FLRT1: variants seen among roughly 807,000 people sequenced by gnomAD.
FLRT1 encodes the protein fibronectin leucine rich transmembrane protein 1, also known as leucine-rich repeat transmembrane protein FLRT1.
Under a neutral mutation model 30.9 loss-of-function variants are expected in FLRT1, and 14 were observed. The observed-to-expected ratio is 0.45, with a 90% CI of 0.30 to 0.71. FLRT1 has a LOEUF of 0.71. Ranked by LOEUF, FLRT1 falls within the 30% of genes least tolerant of loss-of-function variation. The probability of loss-of-function intolerance (pLI) is 0.08; values close to 1 mark genes in which losing one functional copy is unlikely to be tolerated. For missense variants in FLRT1, 737 were observed against 949.2 expected (o/e 0.78, Z 2.94); for synonymous variants, 368 against 430.4 (o/e 0.85, Z 1.80).
chr11:64,041,199 TAAAAAAAAAAAAAAAA>T (rs71045724), intron 1 of FLRT1, among the ~76,000 whole-genome samples: 4 of 21,600 alleles, frequency 1.9e-4, no homozygotes, highest in Non-Finnish European at 1.7e-4. Flanking sequence ...TAGCAAACTG[TAAAAAAAAAAAAAAAA>T]AAAAAAAAAA....
chr11:64,104,749 G>A (rs1014733288), intron 2 of FLRT1, among the ~76,000 whole-genome samples: 3 of 152,176 alleles, frequency 2.0e-5, no homozygotes, highest in Admixed American at 2.0e-4. Flanking sequence ...CTGGCTTCCA[G>A]TTCAGCCTCT....
At chr11:64,094,887 A>C (rs1326188284) in intron 1 of FLRT1, among the ~76,000 whole-genome samples, 1 of 152,164 alleles carries the variant, frequency 6.6e-6, no homozygotes, top group Non-Finnish European at 1.5e-5. Context: ...GATTTCGCCG[A>C]ATGTCCCATC....
At chr11:64,042,210 C>T (rs369091536) in intron 1 of FLRT1, among the ~76,000 whole-genome samples, 37 of 152,184 alleles carry the variant, frequency 2.4e-4, no homozygotes, top group African/African-American at 7.7e-4. Flanking sequence ...TCACACCTAA[C>T]CCACCTTCCT....
At position 64,067,902 on chromosome 11, in the gene FLRT1, G is replaced by T. The variant is rs866835832; in HGVS notation, c.-1038+31743G>T. On this transcript the variant is annotated intron_variant, in intron 1 of 2. Coordinates refer to ENST00000682287, the MANE Select transcript of FLRT1 (RefSeq NM_013280.5). This position sits in a 1 kb window ranked among gnomAD's most constrained non-coding sequence, Gnocchi z 4.6. ...TGTCCATTTAGCCAGCGGTTCGCTC[G>T]GCTTTTAGGAGGGGGCTGGCGGTGA... Among the ~76,000 whole-genome samples, 1 of 152,088 alleles carries T rather than the reference G, an allele frequency of 6.6e-6. No homozygotes were observed. The highest frequency in any genetic ancestry group is 1.9e-4 in the East Asian group (1 of 5,190).
At chr11:64,062,452 G>A (rs761948324) in intron 1 of FLRT1, among the ~76,000 whole-genome samples, 1 of 152,162 alleles carries the variant, frequency 6.6e-6, no homozygotes, top group Non-Finnish European at 1.5e-5. Flanking sequence ...CGGAAGGCTC[G>A]CCTCACACAG....
At chr11:64,077,749 G>A (rs1178210171) in intron 1 of FLRT1, among the ~76,000 whole-genome samples, 1 of 152,328 alleles carries the variant, frequency 6.6e-6, no homozygotes, top group African/African-American at 2.4e-5. Context: ...CTGCATTGCC[G>A]AGGGAGGAGT....
rs1943632949 is a variant in FLRT1 at position 64,048,693 on chromosome 11, G to T, written c.-1038+12534G>T. On this transcript the variant is annotated intron_variant, in intron 1 of 2. Transcript: ENST00000682287. ...GCCCTACAAAGTGCCTGCAGTTTTT[G>T]CTCCATTTTAGAGATGAGAAAACCA... Among the ~76,000 whole-genome samples, 3 of 152,072 alleles carry T rather than the reference G, an allele frequency of 2.0e-5. 1 individual carries two copies. The highest frequency in any genetic ancestry group is 4.1e-4 in the South Asian group (2 of 4,826).
Position 64,117,292 on chromosome 11 carries a change from G to C in FLRT1, c.1025G>C (p.Trp342Ser), listed in dbSNP as rs1945005294. The C allele has an allele frequency of 6.2e-7, 1 of 1,614,042 alleles. No individual in the cohort carries two copies. The change falls in exon 3 of 3, where the codon TGG (tryptophan) becomes TCG (serine). Residue 342 changes from tryptophan (W) to serine (S), a missense_variant. Coordinates refer to ENST00000682287, the MANE Select transcript of FLRT1 (RefSeq NM_013280.5). ...CGCNLMWLRD[W>S]VKARAAVVNV... is the part of the protein sequence containing the mutation. Reference sequence around the variant, plus strand: ...TGCAACCTCATGTGGCTGCGGGACTGGGTGAAGGCACGGGCGGCCGTGGTC... The same window carrying C: ...TGCAACCTCATGTGGCTGCGGGACTCGGTGAAGGCACGGGCGGCCGTGGTC...
At chr11:64,093,341 C>T (rs756902531) in intron 1 of FLRT1, among the ~76,000 whole-genome samples, 6 of 152,214 alleles carry the variant, frequency 3.9e-5, no homozygotes, top group Admixed American at 3.3e-4. Flanking sequence ...CAGTCCTTAC[C>T]CGTAAGAGCT....
At chr11:64,073,248 A>C (rs1944141370) in intron 1 of FLRT1, among the ~76,000 whole-genome samples, 1 of 152,104 alleles carries the variant, frequency 6.6e-6, no homozygotes, top group Non-Finnish European at 1.5e-5. Context: ...ACTTCTGGGT[A>C]CCCGCTCTGT....
intron 1 of FLRT1, among the ~76,000 whole-genome samples, chr11:64,086,693 G>C (rs796354052): frequency 1.8e-4 from 27 of 152,310 alleles, no homozygotes; most frequent in African/African-American, 6.3e-4. Context: ...AGGGAAGACA[G>C]AGAGGGGGAG....
At chr11:64,038,610 AT>A (rs1943427464) in intron 1 of FLRT1, among the ~76,000 whole-genome samples, 1 of 152,178 alleles carries the variant, frequency 6.6e-6, no homozygotes, top group African/African-American at 2.4e-5. Flanking sequence ...CTGCCCAGTC[AT>A]GGGGCTAGCA....
Position 64,036,481 on chromosome 11 carries a change from G to A in FLRT1, c.-1038+322G>A, listed in dbSNP as rs185895897. Among the ~76,000 whole-genome samples, 6 of 152,170 alleles carry A rather than the reference G, an allele frequency of 3.9e-5. No individual in the cohort carries two copies. The highest frequency in any genetic ancestry group is 2.1e-4 in the South Asian group (1 of 4,832). ...AGCTGGAGCTCTAGTCCAAGCCCTC[G>A]CTGCACCCCCCAGGGAGGGGGCCTG... On this transcript the variant is annotated intron_variant, in intron 1 of 2. Coordinates refer to ENST00000682287, the MANE Select transcript of FLRT1 (RefSeq NM_013280.5). The surrounding 1 kb of genome is among the most constrained non-coding windows in gnomAD (Gnocchi z 5.6).
intron 2 of FLRT1, among the ~76,000 whole-genome samples, chr11:64,106,884 TA>T (rs1296297678): frequency 1.3e-5 from 2 of 152,072 alleles, no homozygotes; most frequent in African/African-American, 4.8e-5. Flanking sequence ...TTATTTATTT[TA>T]TTTTATTTTT....
intron 1 of FLRT1, among the ~76,000 whole-genome samples, chr11:64,062,606 G>A (rs1008188476): frequency 2.0e-5 from 3 of 150,908 alleles, no homozygotes; most frequent in African/African-American, 7.4e-5. Flanking sequence ...ACTGTCCTGG[G>A]CGCTGGGGAT....
At position 64,067,639 on chromosome 11, in the gene FLRT1, A is replaced by T. The variant is rs1006489186; in HGVS notation, c.-1038+31480A>T. Among the ~76,000 whole-genome samples the T allele has an allele frequency of 6.6e-5, 10 of 152,256 alleles. No homozygotes were observed. The highest frequency in any genetic ancestry group is 2.4e-4 in the African/African-American group (10 of 41,550). On this transcript the variant is annotated intron_variant, in intron 1 of 2. Coordinates refer to ENST00000682287, the MANE Select transcript of FLRT1 (RefSeq NM_013280.5). This position sits in a 1 kb window ranked among gnomAD's most constrained non-coding sequence, Gnocchi z 4.6. ...AACATGCCCGTGGCCTCCGGTGCAC[A>T]CACAGGGTCCCCAAGCAGGCAGCTG...
chr11:64,097,528 C>T (rs781433360), intron 1 of FLRT1, among the ~76,000 whole-genome samples: 10 of 152,256 alleles, frequency 6.6e-5, no homozygotes, highest in South Asian at 2.1e-4. Flanking sequence ...GGCCCAGGCC[C>T]GCCGGCCGGG....
At chr11:64,081,964 G>A (rs1944312323) in intron 1 of FLRT1, 1 of 152,178 alleles carries the variant, frequency 6.6e-6, no homozygotes, top group South Asian at 2.1e-4. Context: ...TGTTCTAAAT[G>A]GACATGCCAT....
At chr11:64,076,200 C>CCCCT (rs993892014) in intron 1 of FLRT1, among the ~76,000 whole-genome samples, 7 of 152,220 alleles carry the variant, frequency 4.6e-5, no homozygotes, top group Non-Finnish European at 1.5e-5. Context: ...TGTGCTCCTG[C>CCCCT]CCCTCCATCT....
Sources: allele counts gnomAD v4.1 joint callset (sites outside exome capture counted in the v4.1 genomes callset), GRCh38; gene constraint gnomAD v4.1.1; non-coding constraint Gnocchi (gnomAD v3.1); transcripts MANE v1.5; gene names NCBI Gene and HGNC (gene_info 2026-07-23, HGNC 2026-07-21).